L3MBTL4: variants seen among roughly 807,000 people sequenced by gnomAD.
The protein encoded by L3MBTL4 is lethal(3)malignant brain tumor-like protein 4.
In L3MBTL4, 70 loss-of-function variants were observed where a neutral mutation model predicts 84.5. The observed-to-expected ratio is 0.83, with a 90% CI of 0.68 to 1.01. The LOEUF is 1.01. Ranked by LOEUF, L3MBTL4 falls within the 50% of genes least tolerant of loss-of-function variation. The pLI is 0.00. For missense variants in L3MBTL4, 715 were observed against 754.8 expected (o/e 0.95, Z 0.62); for synonymous variants, 274 against 259.8 (o/e 1.05, Z -0.52).
intron 16 of L3MBTL4, chr18:6,030,241 G>A (rs1171721202): frequency 2.1e-6 from 2 of 946,104 alleles, no homozygotes; most frequent in African/African-American, 3.6e-5. Flanking sequence ...CTGAGGATCA[G>A]GTTCAGGGAG....
At chr18:6,190,161 G>C (rs890463781) in intron 12 of L3MBTL4, among the ~76,000 whole-genome samples, 2 of 152,172 alleles carry the variant, frequency 1.3e-5, no homozygotes, top group Non-Finnish European at 2.9e-5. Context: ...AACATGACAT[G>C]AAAGAGTACA....
chr18:6,213,884 T>C (rs1171503938), intron 11 of L3MBTL4, among the ~76,000 whole-genome samples: 1 of 152,228 alleles, frequency 6.6e-6, no homozygotes, highest in Admixed American at 6.5e-5. Flanking sequence ...AAGCATCTTA[T>C]TACAGTTCCT....
At chr18:6,177,713 T>G (rs1599024839) in intron 12 of L3MBTL4, among the ~76,000 whole-genome samples, 1 of 152,228 alleles carries the variant, frequency 6.6e-6, no homozygotes, top group Non-Finnish European at 1.5e-5. Flanking sequence ...GATGTTGCAG[T>G]GCTCAAGACA....
At chr18:5,966,042 A>G (rs1250525118) in intron 17 of L3MBTL4, among the ~76,000 whole-genome samples, 1 of 152,072 alleles carries the variant, frequency 6.6e-6, no homozygotes, top group African/African-American at 2.4e-5. Flanking sequence ...AGAACTAAAG[A>G]CCGGGGCTCT....
chr18:6,030,780 G>A lies in L3MBTL4; in HGVS notation c.1444+50101C>T, dbSNP rs2055756470. On this transcript the variant is annotated intron_variant, in intron 16 of 18. Transcript: ENST00000317931. ...TTTTCTAAGATTTTTCTGGCTTGAAGTTTCATTGCATTAAAAACGTCTTAC... is the reference window on the plus strand; with the variant it reads ...TTTTCTAAGATTTTTCTGGCTTGAAATTTCATTGCATTAAAAACGTCTTAC... 8 of 984,420 alleles carry A rather than the reference G, an allele frequency of 8.1e-6. No homozygotes were observed. In the South Asian group the frequency reaches 3.8e-4, roughly 46 times the overall value. 61.0% of individuals were successfully genotyped at this position (984,420 alleles called of 1,614,324 possible).
intron 5 of L3MBTL4, among the ~76,000 whole-genome samples, chr18:6,255,305 T>C (rs1197064319): frequency 6.6e-6 from 1 of 152,216 alleles, no homozygotes; most frequent in Non-Finnish European, 1.5e-5. Flanking sequence ...TTACAAGTGC[T>C]TCATACCCCT....
intron 1 of L3MBTL4, among the ~76,000 whole-genome samples, chr18:6,357,244 G>C (rs1167116608): frequency 6.6e-6 from 1 of 152,102 alleles, no homozygotes; most frequent in African/African-American, 2.4e-5. Flanking sequence ...CAACAGGCTG[G>C]AGTCTTTGAC....
chr18:6,111,337 T>A (rs2059190273), intron 14 of L3MBTL4, among the ~76,000 whole-genome samples: 1 of 152,206 alleles, frequency 6.6e-6, no homozygotes, highest in Non-Finnish European at 1.5e-5. Context: ...GTGAACTGCA[T>A]TATATTTGAA....
intron 1 of L3MBTL4, among the ~76,000 whole-genome samples, chr18:6,411,273 T>TG: frequency 6.6e-6 from 1 of 152,038 alleles, no homozygotes; most frequent in African/African-American, 2.4e-5. Context: ...TGCATTTTTT[T>TG]ATGGACCTAA....
intron 5 of L3MBTL4, among the ~76,000 whole-genome samples, chr18:6,261,496 G>A (rs2048397752): frequency 6.6e-6 from 1 of 152,130 alleles, no homozygotes; most frequent in African/African-American, 2.4e-5. Context: ...TCTCCACCCT[G>A]CCAAGGGGGC....
intron 13 of L3MBTL4, among the ~76,000 whole-genome samples, chr18:6,164,813 G>A (rs898083092): frequency 7.9e-5 from 12 of 152,178 alleles, no homozygotes; most frequent in South Asian, 2.1e-4. Flanking sequence ...CACCAGCAAC[G>A]GAACAAAGCT....
At chr18:6,196,435 G>T (rs1033667368) in intron 12 of L3MBTL4, among the ~76,000 whole-genome samples, 1 of 152,082 alleles carries the variant, frequency 6.6e-6, no homozygotes, top group Non-Finnish European at 1.5e-5. Context: ...GGGATTACAG[G>T]CATGAGCCAC....
intron 16 of L3MBTL4, among the ~76,000 whole-genome samples, chr18:5,988,618 A>G (rs1033068785): frequency 6.6e-6 from 1 of 152,196 alleles, no homozygotes; most frequent in Non-Finnish European, 1.5e-5. Flanking sequence ...TCAATCATCA[A>G]TGTCCAGAGT....
intron 12 of L3MBTL4, among the ~76,000 whole-genome samples, chr18:6,187,669 G>T (rs904161461): frequency 2.6e-5 from 4 of 152,104 alleles, no homozygotes; most frequent in Admixed American, 2.6e-4. Context: ...CAGCCAGAAC[G>T]AGGTGTTCTG....
intron 12 of L3MBTL4, among the ~76,000 whole-genome samples, chr18:6,195,521 G>C (rs912765321): frequency 2.0e-5 from 3 of 152,202 alleles, no homozygotes; most frequent in African/African-American, 7.2e-5. Context: ...GGGGCAGATA[G>C]ACTGGCATAA....
chr18:6,117,925 T>C (rs2059405741), intron 14 of L3MBTL4, among the ~76,000 whole-genome samples: 1 of 152,196 alleles, frequency 6.6e-6, no homozygotes, highest in Admixed American at 6.5e-5. Context: ...TTATGTTTAC[T>C]GCATCAAATG....
intron 4 of L3MBTL4, among the ~76,000 whole-genome samples, chr18:6,297,814 T>C (rs1420029218): frequency 1.3e-5 from 2 of 152,226 alleles, no homozygotes; most frequent in Non-Finnish European, 2.9e-5. Context: ...ACCAGTCCCC[T>C]GGGGGTCTCT....
intron 1 of L3MBTL4, among the ~76,000 whole-genome samples, chr18:6,335,939 TAA>T (rs1461305842): frequency 2.0e-5 from 3 of 152,196 alleles, no homozygotes; most frequent in Non-Finnish European, 2.9e-5. Context: ...GAAAACGGAC[TAA>T]TACAAGCTGT....
intron 1 of L3MBTL4, among the ~76,000 whole-genome samples, chr18:6,380,170 A>G (rs1409592521): frequency 6.6e-6 from 1 of 151,882 alleles, no homozygotes; most frequent in African/African-American, 2.4e-5. Flanking sequence ...GATATTCCCT[A>G]TATCATTTTT....
Sources: gnomAD v4.1 joint callset for allele counts (sites outside exome capture counted in the v4.1 genomes callset) on GRCh38, gnomAD v4.1.1 for gene constraint, MANE v1.5 for transcripts, NCBI Gene and HGNC (gene_info 2026-07-23, HGNC 2026-07-21) for gene names.